The following MTA3 variants were observed in gnomAD, a reference collection of about 807,000 sequenced individuals.
MTA3 encodes the protein metastasis-associated protein MTA3.
Under a neutral mutation model 83.5 loss-of-function variants are expected in MTA3, and 34 were observed. The observed-to-expected ratio is 0.41, with a 90% CI of 0.31 to 0.54. The LOEUF (loss-of-function observed/expected upper bound fraction) is 0.54. Ranked by LOEUF, MTA3 falls within the 20% of genes least tolerant of loss-of-function variation. MTA3 has a pLI of 0.33. For missense variants in MTA3, 761 were observed against 726.4 expected (o/e 1.05, Z -0.55); for synonymous variants, 303 against 252.7 (o/e 1.20, Z -1.89).
intron 2 of MTA3, among the ~76,000 whole-genome samples, chr2:42,499,663 C>A (rs150817503): frequency 6.6e-6 from 1 of 151,372 alleles, no homozygotes; most frequent in African/African-American, 2.4e-5. Context: ...TGATGCATGC[C>A]TGTAATCCCA....
At chr2:42,549,417 T>C (rs1170783758) in intron 2 of MTA3, among the ~76,000 whole-genome samples, 1 of 114,696 alleles carries the variant, frequency 8.7e-6, no homozygotes, top group East Asian at 2.3e-4. Context: ...ATAATATATA[T>C]TATATAATAT....
chr2:42,605,995 CG>C (rs531104707), intron 3 of MTA3, among the ~76,000 whole-genome samples: 1,197 of 1,306 alleles, frequency 0.92, 595 homozygotes, highest in Non-Finnish European at 0.96. Flanking sequence ...CCTTCCCGGA[CG>C]GGGGCGGCTG....
chr2:42,596,501 T>C (rs1681804233), intron 3 of MTA3, among the ~76,000 whole-genome samples: 1 of 152,252 alleles, frequency 6.6e-6, no homozygotes, highest in Non-Finnish European at 1.5e-5. Flanking sequence ...AACCAGATTA[T>C]TATCAACTGT....
Position 42,753,999 on chromosome 2 carries a change from T to C in MTA3, c.*600T>C. On this transcript the variant is annotated 3_prime_UTR_variant, in exon 17 of 17. Transcript: ENST00000405094. ...GCTGTTTACCCTCTGCATTCCTATA[T>C]GTGACCCTCCCTCCTACTCCTCCAA... 1 of 985,468 alleles carries C rather than the reference T, an allele frequency of 1.0e-6. No homozygotes were observed. Among genetic ancestry groups the C allele is most frequent in the Non-Finnish European group, 1.2e-6 (1 of 829,906 alleles). 61.0% of individuals were successfully genotyped at this position (985,468 alleles called of 1,614,324 possible). A position where few individuals can be genotyped will look rare whatever the true frequency, so the allele number is the denominator to read the frequency against.
chr2:42,585,067 G>A (rs944344737), intron 3 of MTA3, among the ~76,000 whole-genome samples: 3 of 151,154 alleles, frequency 2.0e-5, no homozygotes, highest in African/African-American at 7.3e-5. Context: ...AAGTAACTTT[G>A]ATTACATAAT....
chr2:42,640,588 T>C (rs1050223308), intron 5 of MTA3, among the ~76,000 whole-genome samples: 1 of 152,208 alleles, frequency 6.6e-6, no homozygotes, highest in Non-Finnish European at 1.5e-5. Flanking sequence ...CTTGAATAAA[T>C]GGTTTTTCTT....
Position 42,549,464 on chromosome 2 carries a change from CATATT to C in MTA3, c.-140-20968_-140-20964del, listed in dbSNP as rs1297319130. 5.4e-5 allele frequency among the ~76,000 whole-genome samples: 5 copies of C among 93,254 alleles called. 1 individual carries two copies. Among genetic ancestry groups the C allele is most frequent in the Non-Finnish European group, 9.4e-5 (5 of 53,470 alleles). The allele number at this position is 93,254 out of a possible 152,430, so 61.2% of individuals were successfully genotyped here. On this transcript the variant is annotated intron_variant, in intron 2 of 17. Transcript: ENST00000405592. ...GTATACATATAATATATTATATATACATATTATATATTATATATTTAAATTATATA... is the reference window on the plus strand; with the variant it reads ...GTATACATATAATATATTATATATACATATATTATATATTTAAATTATATA...
chr2:42,552,842 C>T (rs540061329), intron 2 of MTA3, among the ~76,000 whole-genome samples: 107 of 151,434 alleles, frequency 7.1e-4, no homozygotes, highest in African/African-American at 2.3e-3. Context: ...CCCAGCTACT[C>T]GGGAGGCTGA....
In MTA3 at chr2:42,581,627, C is replaced by G. The variant is rs189052583; in HGVS notation, c.190+2427C>G. Among the ~76,000 whole-genome samples, 3 of 151,778 alleles carry G rather than the reference C, an allele frequency of 2.0e-5. No individual in the cohort carries two copies. The East Asian group carries it at 5.8e-4, about 29-fold the overall frequency. On this transcript the variant is annotated intron_variant, in intron 3 of 16. Transcript: ENST00000405094. ...CAAACTATTGGCCTCAAGCAGTCCT[C>G]CGACCTCGGCCTCCCAAAATGTTGG...
At chr2:42,662,273 A>C (rs1486964073) in intron 8 of MTA3, among the ~76,000 whole-genome samples, 1 of 151,998 alleles carries the variant, frequency 6.6e-6, no homozygotes, top group African/African-American at 2.4e-5. Flanking sequence ...AATTTCACAC[A>C]TATCCCTTTG....
chr2:42,527,817 A>T (rs932094961), intron 2 of MTA3, among the ~76,000 whole-genome samples: 4 of 149,988 alleles, frequency 2.7e-5, no homozygotes, highest in Non-Finnish European at 6.0e-5. Flanking sequence ...TAATAGGATC[A>T]TGTCTTTAAA....
intron 3 of MTA3, among the ~76,000 whole-genome samples, chr2:42,594,640 A>T (rs7426127): frequency 1.6e-5 from 1 of 62,790 alleles, no homozygotes; most frequent in South Asian, 9.4e-4. Context: ...ACATCTTTTT[A>T]TATATATATA....
rs766545965 is a variant in MTA3 at position 42,707,886 on chromosome 2, T to C, written c.1151-17T>C. ...AAATAGCATTTTTCGTTTTTTCTTA[T>C]TTTTCTTCTGCTTTAGCTACACAGT... On this transcript the variant is annotated splice_polypyrimidine_tract_variant and intron_variant, in intron 12 of 16. Coordinates refer to ENST00000405094, the MANE Select transcript of MTA3 (RefSeq NM_001330442.2). The C allele has an allele frequency of 5.3e-6, 8 of 1,504,574 alleles. No homozygotes were observed. In the South Asian group the frequency reaches 6.7e-5, roughly 13 times the overall value. 93.2% of individuals were successfully genotyped at this position (1,504,574 alleles called of 1,614,324 possible). A position where few individuals can be genotyped will look rare whatever the true frequency, so the allele number is the denominator to read the frequency against.
intron 4 of MTA3, among the ~76,000 whole-genome samples, chr2:42,610,382 A>G (rs1684043172): frequency 6.6e-6 from 1 of 152,202 alleles, no homozygotes; most frequent in African/African-American, 2.4e-5. Flanking sequence ...CTATTCCTTA[A>G]TAACACCTGA....
chr2:42,564,856 A>G (rs1420189986), upstream of MTA3, among the ~76,000 whole-genome samples: 1 of 152,098 alleles, frequency 6.6e-6, no homozygotes, highest in African/African-American at 2.4e-5. Context: ...GGCTCACTGC[A>G]ATCTCTGCCT....
At chr2:42,605,163 GGCAGAGGC>G (rs1447125341) in intron 3 of MTA3, among the ~76,000 whole-genome samples, 9 of 146,504 alleles carry the variant, frequency 6.1e-5, no homozygotes, top group Admixed American at 4.7e-4. Flanking sequence ...GGGGCGGCCG[GGCAGAGGC>G]GCCCCTCACC....
chr2:42,587,799 G>C (rs187594810), intron 3 of MTA3, among the ~76,000 whole-genome samples: 22 of 152,130 alleles, frequency 1.4e-4, no homozygotes, highest in African/African-American at 5.1e-4. Context: ...ATGGGTTTTT[G>C]CTGTGTTGGC....
intron 3 of MTA3, among the ~76,000 whole-genome samples, chr2:42,596,307 A>T (rs1273389573): frequency 6.6e-6 from 1 of 152,246 alleles, no homozygotes; most frequent in East Asian, 1.9e-4. Context: ...CCTTGGGCCC[A>T]CTTGGTCCTT....
intron 8 of MTA3, among the ~76,000 whole-genome samples, chr2:42,673,636 A>G (rs1691045120): frequency 1.3e-5 from 2 of 152,212 alleles, no homozygotes. Context: ...CCTTGGGATC[A>G]GCACTTGTGG....
Sources: gnomAD v4.1 joint callset for allele counts (sites outside exome capture counted in the v4.1 genomes callset) on GRCh38, gnomAD v4.1.1 for gene constraint, MANE v1.5 for transcripts, NCBI Gene and HGNC (gene_info 2026-07-23, HGNC 2026-07-21) for gene names.